DMD: variants seen among roughly 807,000 people sequenced by gnomAD.
DMD encodes dystrophin.
Under a neutral mutation model 330.1 loss-of-function variants are expected in DMD, and 63 were observed. The ratio of observed to expected loss-of-function variants is 0.19; its 90% CI spans 0.16 to 0.24. The LOEUF (loss-of-function observed/expected upper bound fraction) is 0.24. Among genes scored for constraint, DMD ranks in the 10% least tolerant of loss-of-function variants. The pLI is 1.00. For synonymous variants in DMD, 1,223 were observed against 959.8 expected, an observed-to-expected ratio of 1.27 and a Z score of -5.07; for missense variants, 3,344 against 2,684.1, an observed-to-expected ratio of 1.25 and a Z score of -5.43.
At chrX:32,409,456 T>C (rs1013104952) in intron 30 of DMD, among the ~76,000 whole-genome samples, 2 of 111,687 alleles carry the variant, frequency 1.8e-5, no homozygotes, top group Admixed American at 1.9e-4. Context: ...AATATTTTGC[T>C]ATTAAAAACA....
At chrX:31,303,179 A>G (rs768921866) in intron 62 of DMD, among the ~76,000 whole-genome samples, 1 of 111,652 alleles carries the variant, frequency 9.0e-6, no homozygotes, top group East Asian at 2.8e-4. Context: ...GTACTTCAAA[A>G]AGCAAAACAC....
chrX:32,337,395 T>C (rs193299937), intron 41 of DMD, among the ~76,000 whole-genome samples: 418 of 109,009 alleles, frequency 3.8e-3, no homozygotes, highest in Non-Finnish European at 6.1e-3. Flanking sequence ...GACTGTTGGA[T>C]ATAAAATGTT....
At chrX:32,943,636 C>T (rs1197549937) in intron 2 of DMD, among the ~76,000 whole-genome samples, 1 of 111,065 alleles carries the variant, frequency 9.0e-6, no homozygotes, top group Non-Finnish European at 1.9e-5. Context: ...AGGTACAACT[C>T]AGTCTTTGCA....
At chrX:32,412,459 C>A (rs2098146994) in intron 29 of DMD, among the ~76,000 whole-genome samples, 1 of 111,981 alleles carries the variant, frequency 8.9e-6, no homozygotes, top group Admixed American at 9.5e-5. Context: ...TCTTTTTTCT[C>A]CCTACTTTCT....
At chrX:33,207,359 C>A (rs754010122) in intron 1 of DMD, among the ~76,000 whole-genome samples, 2 of 110,807 alleles carry the variant, frequency 1.8e-5, no homozygotes, top group East Asian at 5.7e-4. Context: ...GGGAAACAGA[C>A]TTTTTATACT....
chrX:32,629,567 T>G (rs771353292), intron 11 of DMD, among the ~76,000 whole-genome samples: 177 of 111,079 alleles, frequency 1.6e-3, no homozygotes, highest in African/African-American at 5.7e-3. Flanking sequence ...ATTTTGCTAT[T>G]TCCTTTCTGG....
At chrX:31,292,019 A>C (rs1007862011) in intron 62 of DMD, among the ~76,000 whole-genome samples, 7 of 111,840 alleles carry the variant, frequency 6.3e-5, no homozygotes, top group African/African-American at 2.3e-4. Context: ...AGTTTCTAGA[A>C]GATAATAAAA....
rs748230088 is a variant in DMD, at chrX:32,991,127, TCTA to T, written c.93+29009_93+29011del. ...GCAGTACGTTTTATCTTAGTTTTCT[TCTA>T]CTTCAAAATTATATATATTATCTAA... is the stretch of plus-strand genomic sequence containing the variant. On this transcript the variant is annotated intron_variant, in intron 2 of 78. Coordinates refer to ENST00000357033, the MANE Select transcript of DMD (RefSeq NM_004006.3). 2.7e-3 allele frequency among the ~76,000 whole-genome samples: 303 copies of T among 111,453 alleles called. 1 individual carries two copies. The highest frequency in any genetic ancestry group is 9.5e-3 in the African/African-American group (292 of 30,843).
At chrX:32,231,828 A>G (rs896793689) in intron 43 of DMD, among the ~76,000 whole-genome samples, 4 of 111,589 alleles carry the variant, frequency 3.6e-5, no homozygotes, top group African/African-American at 1.3e-4. Flanking sequence ...CTTTATTGAA[A>G]CCAATCTCAA....
intron 7 of DMD, among the ~76,000 whole-genome samples, chrX:32,711,662 T>C (rs1193742721): frequency 8.9e-6 from 1 of 112,079 alleles, no homozygotes; most frequent in Non-Finnish European, 1.9e-5. Flanking sequence ...CAGACGCATT[T>C]AAAGTTAATA....
At chrX:32,229,094 GT>G (rs753673337) in intron 43 of DMD, among the ~76,000 whole-genome samples, 1 of 109,443 alleles carries the variant, frequency 9.1e-6, no homozygotes, top group Non-Finnish European at 1.9e-5. Context: ...TTTGTTTCTT[GT>G]TTTTTTTAAG....
At chrX:32,675,849 T>C (rs1366456659) in intron 9 of DMD, among the ~76,000 whole-genome samples, 1 of 112,145 alleles carries the variant, frequency 8.9e-6, no homozygotes, top group Non-Finnish European at 1.9e-5. Flanking sequence ...TTTACAGCAA[T>C]GTTTGTTATA....
At chrX:31,540,406 C>A (rs1208834147) in intron 55 of DMD, among the ~76,000 whole-genome samples, 3 of 111,983 alleles carry the variant, frequency 2.7e-5, no homozygotes, top group South Asian at 3.7e-4. Flanking sequence ...AAGTAAAACA[C>A]CCTTCATTTG....
chrX:32,906,034 A>G (rs911034086), intron 2 of DMD, among the ~76,000 whole-genome samples: 3 of 112,337 alleles, frequency 2.7e-5, no homozygotes, highest in African/African-American at 9.7e-5. Flanking sequence ...CGGAAGTAGA[A>G]GCAGGAGCAA....
At chrX:32,420,444 G>C (rs2098185034) in intron 29 of DMD, among the ~76,000 whole-genome samples, 1 of 112,118 alleles carries the variant, frequency 8.9e-6, no homozygotes, top group African/African-American at 3.2e-5. Context: ...TCTAAGCCAA[G>C]TGGTATAGGT....
intron 48 of DMD, among the ~76,000 whole-genome samples, chrX:31,855,497 T>C (rs2093599868): frequency 8.9e-6 from 1 of 112,323 alleles, no homozygotes; most frequent in Non-Finnish European, 1.9e-5. Flanking sequence ...AAGTTGCTTT[T>C]TAAAGATAAA....
chrX:32,577,980 A>G (rs1377601822), intron 13 of DMD, among the ~76,000 whole-genome samples: 1 of 112,536 alleles, frequency 8.9e-6, no homozygotes, highest in East Asian at 2.8e-4. Context: ...TTTATTGCTT[A>G]GCAATATTGG....
At chrX:31,724,810 A>G (rs1260886502) in intron 52 of DMD, among the ~76,000 whole-genome samples, 2 of 111,969 alleles carry the variant, frequency 1.8e-5, no homozygotes, top group Non-Finnish European at 3.8e-5. Context: ...CATAAGTACT[A>G]TTATTAGCCC....
chrX:32,557,121 T>C (rs1432564022), intron 16 of DMD, among the ~76,000 whole-genome samples: 4 of 111,416 alleles, frequency 3.6e-5, no homozygotes, highest in African/African-American at 1.3e-4. Flanking sequence ...TAAGTACTAA[T>C]ATTATTCCTA....
Sources: allele counts gnomAD v4.1 joint callset (sites outside exome capture counted in the v4.1 genomes callset), GRCh38; gene constraint gnomAD v4.1.1; transcripts MANE v1.5; gene names NCBI Gene and HGNC (gene_info 2026-07-23, HGNC 2026-07-21).